The following TP53BP1 variants were observed in gnomAD, a reference collection of about 807,000 sequenced individuals.
TP53BP1 encodes the protein tumor protein p53 binding protein 1.
A neutral mutation model predicts 200.8 loss-of-function variants in TP53BP1; 61 were observed. The ratio of observed to expected loss-of-function variants is 0.30; its 90% CI spans 0.25 to 0.38. The LOEUF (loss-of-function observed/expected upper bound fraction) is 0.38. TP53BP1 is among the 10% of genes least tolerant of loss of function. The pLI is 1.00. For synonymous variants in TP53BP1, 822 were observed against 844.3 expected (o/e 0.97, Z 0.46); for missense variants, 2,144 against 2,371.9 (o/e 0.90, Z 2.00).
intron 1 of TP53BP1, 31 bp from the exon 2 acceptor site, chr15:43,492,499 T>A (rs1001935184): frequency 2.5e-6 from 4 of 1,585,088 alleles, no homozygotes; most frequent in Admixed American, 3.4e-5. Flanking sequence ...ATCAGTTCCG[T>A]GTAACCTACT....
In TP53BP1 at chr15:43,406,709, T is replaced by TAATA. The variant is rs2044903197; in HGVS notation, c.*670_*673dup. The TAATA allele has an allele frequency of 7.0e-6, 3 of 430,664 alleles. No individual in the cohort carries two copies. The highest frequency in any genetic ancestry group is 3.4e-5 in the South Asian group (2 of 59,358). The allele number at this position is 430,664 out of a possible 1,614,324, so 26.7% of individuals were successfully genotyped here. On this transcript the variant is annotated 3_prime_UTR_variant, in exon 28 of 28. Transcript: ENST00000382044. ...CCAGCTATTGTGACAATAATAATAA[T>TAATA]AATAATATTGGGTCTTTGACTAGAA... is the stretch of plus-strand genomic sequence containing the variant.
Position 43,428,116 on chromosome 15 carries a change from C to T in TP53BP1, c.3728G>A (p.Arg1243His), listed in dbSNP as rs375277812. 13 of 1,613,532 alleles carry T rather than the reference C, an allele frequency of 8.1e-6. No individual in the cohort carries two copies. Among genetic ancestry groups the T allele is most frequent in the Non-Finnish European group, 1.0e-5 (12 of 1,179,524 alleles). Residue 1243 changes from arginine to histidine, a missense_variant, in exon 18 of 28, where the codon CGT (arginine) becomes CAT (histidine). Coordinates refer to ENST00000382044, the MANE Select transcript of TP53BP1 (RefSeq NM_001141980.3). ...TACTTCCCGGATTGTTCTCATGTGA[C>T]GATGTAAGACATGGCCATGTGGAGG... is the stretch of plus-strand genomic sequence containing the variant. ...PQPPHGHVLH[R>H]HMRTIREVRT...
intron 11 of TP53BP1, among the ~76,000 whole-genome samples, chr15:43,468,669 T>A (rs2140088375): frequency 6.7e-6 from 1 of 148,404 alleles, no homozygotes; most frequent in South Asian, 2.1e-4. Flanking sequence ...CAGTACCAAG[T>A]GCAAGGCACT....
intron 3 of TP53BP1, 74 bp from the exon 4 acceptor site, chr15:43,491,827 C>T: frequency 7.8e-7 from 1 of 1,276,220 alleles, no homozygotes; most frequent in South Asian, 1.2e-5. Flanking sequence ...GGAATACAGA[C>T]AATACCAATC....
rs2044931171 is a variant in TP53BP1, at chr15:43,407,238, A to ATTTAT, written c.*140_*144dup. 1 of 697,810 alleles carries ATTTAT rather than the reference A, an allele frequency of 1.4e-6. No individual in the cohort carries two copies. The highest frequency in any genetic ancestry group is 1.8e-5 in the African/African-American group (1 of 55,618). The allele number at this position is 697,810 out of a possible 1,614,324, so 43.2% of individuals were successfully genotyped here. On this transcript the variant is annotated 3_prime_UTR_variant, in exon 28 of 28. Transcript: ENST00000382044. ...GTTACTACAACCAAAGAGATTCAACATTTATTTTATCATAAAAGTTCAGCA... is the reference window on the plus strand; with the variant it reads ...GTTACTACAACCAAAGAGATTCAACATTTATTTTATTTTATCATAAAAGTTCAGCA...
intron 13 of TP53BP1, chr15:43,447,048 C>T (rs2046058030): frequency 2.1e-6 from 1 of 474,804 alleles, no homozygotes. Flanking sequence ...TTCTACCTTA[C>T]TTCCTGTTCC....
intron 16 of TP53BP1, 64 bp downstream of exon 16, chr15:43,438,259 GA>G: frequency 7.1e-7 from 1 of 1,412,080 alleles, no homozygotes; most frequent in Non-Finnish European, 1.0e-6. Context: ...TACATATTAG[GA>G]TTTGGGCACT....
At position 43,451,456 on chromosome 15, in the gene TP53BP1, T is replaced by G. The variant is rs535161790; in HGVS notation, c.2717-3971A>C. Among the ~76,000 whole-genome samples, 543 of 152,204 alleles carry G rather than the reference T, an allele frequency of 3.6e-3. 3 individuals are homozygous for G. Among genetic ancestry groups the G allele is most frequent in the African/African-American group, 0.012 (513 of 41,508 alleles). ...GGTGTTTGGTTTTTTGTCCTTGCGA[T>G]AGTTTACTGAGAATGATGATTTCCA... On this transcript the variant is annotated intron_variant, in intron 12 of 27. Transcript: ENST00000382044.
At chr15:43,409,180 C>T (rs957353185) in intron 25 of TP53BP1, 84 bp from the exon 26 acceptor site, 24 of 1,333,170 alleles carry the variant, frequency 1.8e-5, no homozygotes, top group African/African-American at 2.9e-5. Flanking sequence ...CCATGAAGAG[C>T]AGATCTGAAG....
chr15:43,479,380 T>A lies in TP53BP1; in HGVS notation c.788+17A>T. The A allele has an allele frequency of 6.3e-7, 1 of 1,582,984 alleles. No individual in the cohort carries two copies. The highest frequency in any genetic ancestry group is 8.6e-7 in the Non-Finnish European group (1 of 1,166,224). On this transcript the variant is annotated intron_variant, in intron 7 of 27. Transcript: ENST00000382044. ...TACAGCAAAACTCGTAAATCCTTTTTAGAAAGTTCGGCTTACCTTGCAGGT... is the reference window on the plus strand; with the variant it reads ...TACAGCAAAACTCGTAAATCCTTTTAAGAAAGTTCGGCTTACCTTGCAGGT...
chr15:43,502,736 C>T (rs1052007812), intron 1 of TP53BP1, among the ~76,000 whole-genome samples: 10 of 150,940 alleles, frequency 6.6e-5, no homozygotes, highest in African/African-American at 2.2e-4. Flanking sequence ...TGGGATTACA[C>T]GCGTGAGCCA....
intron 1 of TP53BP1, among the ~76,000 whole-genome samples, chr15:43,498,607 T>G (rs1431328026): frequency 1.3e-5 from 2 of 152,136 alleles, no homozygotes. Flanking sequence ...TGTTCTAGAT[T>G]TGAGAAGACT....
rs2079153474 is a variant in TP53BP1, at chr15:43,493,134, C to T, written c.-91G>A. On this transcript the variant is annotated 5_prime_UTR_variant, in exon 1 of 28. It adds an upstream start codon to the 5' untranslated region. Coordinates refer to ENST00000382044, the MANE Select transcript of TP53BP1 (RefSeq NM_001141980.3). ...GATCCCTAGGTCGCCGCTGTCGCCA[C>T]CGCCGCCACCGGCCGCGAACTCCCC... 7 of 1,584,318 alleles carry T rather than the reference C, an allele frequency of 4.4e-6. No homozygotes were observed. The South Asian group carries it at 7.9e-5, about 18-fold the overall frequency.
rs1187318833 is a variant in TP53BP1, at chr15:43,464,741, T to TAA, written c.1389+5115_1389+5116dup. On this transcript the variant is annotated intron_variant, in intron 11 of 27. Coordinates refer to ENST00000382044, the MANE Select transcript of TP53BP1 (RefSeq NM_001141980.3). ...CAACATGGAGAAACCCCGTCTCTACTAAAAAAAAAATACAAAATTTGCCAG... is the reference window on the plus strand; with the variant it reads ...CAACATGGAGAAACCCCGTCTCTACTAAAAAAAAAAAATACAAAATTTGCCAG... Among the ~76,000 whole-genome samples the TAA allele has an allele frequency of 2.7e-5, 4 of 146,992 alleles. No homozygotes were observed. The East Asian group carries it at 7.9e-4, about 29-fold the overall frequency.
At chr15:43,417,783 G>A (rs2045301587) in intron 21 of TP53BP1, among the ~76,000 whole-genome samples, 6 of 152,160 alleles carry the variant, frequency 3.9e-5, no homozygotes, top group African/African-American at 7.2e-5. Flanking sequence ...ATGTTATCCA[G>A]AACTAGAAGG....
chr15:43,408,144 C>G, intron 26 of TP53BP1, 56 bp from the exon 27 acceptor site: 1 of 1,567,326 alleles, frequency 6.4e-7, no homozygotes, highest in South Asian at 1.2e-5. Context: ...AACAAACTGC[C>G]TTTCTGCAAA....
At chr15:43,499,507 CA>C (rs1163796211) in intron 1 of TP53BP1, among the ~76,000 whole-genome samples, 1 of 152,216 alleles carries the variant, frequency 6.6e-6, no homozygotes, top group East Asian at 1.9e-4. Context: ...GTCATTATTA[CA>C]CTTTCCCATT....
chr15:43,403,740 A>G lies in TP53BP1; in HGVS notation c.*3643T>C, dbSNP rs778270714. The G allele has an allele frequency of 1.9e-6, 3 of 1,613,738 alleles. No homozygotes were observed. On this transcript the variant is annotated 3_prime_UTR_variant, in exon 28 of 28. Coordinates refer to ENST00000382044, the MANE Select transcript of TP53BP1 (RefSeq NM_001141980.3). ...CTGTCACAGTTTTTGTTCGCTGGTC[A>G]GTCAGAACCTAGGCCCACTGGATGA...
At chr15:43,426,120 GAATT>G (rs1373632846) in intron 18 of TP53BP1, among the ~76,000 whole-genome samples, 1 of 149,562 alleles carries the variant, frequency 6.7e-6, no homozygotes, top group Non-Finnish European at 1.5e-5. Context: ...TATTTTAAAA[GAATT>G]ATTTCTGGTA....
Sources: allele counts gnomAD v4.1 joint callset (sites outside exome capture counted in the v4.1 genomes callset), GRCh38; gene constraint gnomAD v4.1.1; transcripts MANE v1.5; gene names NCBI Gene and HGNC (gene_info 2026-07-23, HGNC 2026-07-21).